Variants in ASCC3 observed in about 807,000 individuals in gnomAD.
The protein encoded by ASCC3 is ASC-1 complex subunit P200.
ASCC3 carries 158 observed loss-of-function variants against 256.3 expected under a neutral mutation model. The ratio of observed to expected loss-of-function variants is 0.62; its 90% CI spans 0.54 to 0.70. The LOEUF is 0.70. Ranked by LOEUF, ASCC3 falls within the 30% of genes least tolerant of loss-of-function variation. The pLI is 0.00. For missense variants in ASCC3, 2,259 were observed against 2,626.0 expected (o/e 0.86, Z 3.05); for synonymous variants, 948 against 883.4 (o/e 1.07, Z -1.30).
chr6:100,576,358 T>C (rs763370799), intron 36 of ASCC3, among the ~76,000 whole-genome samples: 1 of 152,116 alleles, frequency 6.6e-6, no homozygotes, highest in Non-Finnish European at 1.5e-5. Flanking sequence ...CTTATAATTC[T>C]AGTTACAAGG....
chr6:100,764,066 A>G (rs1781535162), intron 10 of ASCC3, among the ~76,000 whole-genome samples: 1 of 152,212 alleles, frequency 6.6e-6, no homozygotes, highest in Non-Finnish European at 1.5e-5. Context: ...CATAGTGACT[A>G]ACTCATAAAT....
At chr6:100,518,636 C>T (rs984436519) in intron 37 of ASCC3, among the ~76,000 whole-genome samples, 1 of 152,104 alleles carries the variant, frequency 6.6e-6, no homozygotes, top group East Asian at 1.9e-4. Flanking sequence ...GACAATAATA[C>T]ACCACACCAC....
At position 100,712,513 on chromosome 6, in the gene ASCC3, C is replaced by T. The variant is rs186863179; in HGVS notation, c.2151+2949G>A. On this transcript the variant is annotated intron_variant, in intron 13 of 41. Transcript: ENST00000369162. ...GGCAAATGTCAAGCATATGAAAAGA[C>T]GCTTAATATCACTTGTCATTAGAAA... Among the ~76,000 whole-genome samples, 158 of 152,154 alleles carry T rather than the reference C, an allele frequency of 1.0e-3. 1 individual carries two copies. The highest frequency in any genetic ancestry group is 3.5e-3 in the African/African-American group (145 of 41,516).
At chr6:100,718,013 A>C in intron 12 of ASCC3, 62 bp downstream of exon 12, 1 of 1,529,558 alleles carries the variant, frequency 6.5e-7, no homozygotes, top group Non-Finnish European at 9.0e-7. Flanking sequence ...CTAACTCCAA[A>C]CAAGTATTCA....
intron 33 of ASCC3, among the ~76,000 whole-genome samples, chr6:100,605,351 G>A (rs879744231): frequency 2.3e-4 from 35 of 152,050 alleles, no homozygotes; most frequent in Non-Finnish European, 3.7e-4. Flanking sequence ...TAGTCAATGC[G>A]TCTGAACACT....
rs535936476 is a variant in ASCC3 at position 100,750,067 on chromosome 6, T to C, written c.1737+16498A>G. The stretch of plus-strand genomic sequence containing the variant: ...CAGTGTTTGTGAGACAAGAGCCTTT[T>C]TGACAAAAACTGCCTGGAAAATTGA... On this transcript the variant is annotated intron_variant, in intron 10 of 41. Coordinates refer to ENST00000369162, the MANE Select transcript of ASCC3 (RefSeq NM_006828.4). Among the ~76,000 whole-genome samples, 8 of 151,980 alleles carry C rather than the reference T, an allele frequency of 5.3e-5. No individual in the cohort carries two copies. In the East Asian group the frequency reaches 1.5e-3, roughly 29 times the overall value.
Position 100,679,699 on chromosome 6 carries a change from T to TA in ASCC3, c.2204dup (p.Ile736AsnfsTer20). ...GGCCACAATTTTTTGCTCTTTCTAT[T>TA]AGAGACATAGCTGTTCTTACAGTGG... On this transcript the variant is annotated frameshift_variant, in exon 14 of 42. Coordinates refer to ENST00000369162, the MANE Select transcript of ASCC3 (RefSeq NM_006828.4). LOFTEE classifies it high-confidence loss of function. 6.2e-7 allele frequency: 1 copy of TA among 1,613,676 alleles called. No homozygotes were observed. The highest frequency in any genetic ancestry group is 8.5e-7 in the Non-Finnish European group (1 of 1,179,742).
chr6:100,616,019 G>A (rs1773649497), intron 30 of ASCC3, among the ~76,000 whole-genome samples: 1 of 152,128 alleles, frequency 6.6e-6, no homozygotes, highest in Non-Finnish European at 1.5e-5. Context: ...TTGTTATCCT[G>A]CATTAAATTC....
rs923373776 is a variant in ASCC3 at position 100,632,267 on chromosome 6, G to C, written c.4123-1054C>G. On this transcript the variant is annotated intron_variant, in intron 25 of 41. Coordinates refer to ENST00000369162, the MANE Select transcript of ASCC3 (RefSeq NM_006828.4). Reference sequence around the variant, plus strand: ...GTACTTAGGAATAAAGTTAACTAAAGAGGTAAAAAATCTGTACAATGAAAA... The same window carrying C: ...GTACTTAGGAATAAAGTTAACTAAACAGGTAAAAAATCTGTACAATGAAAA... Among the ~76,000 whole-genome samples the C allele has an allele frequency of 6.2e-4, 90 of 146,150 alleles. 1 individual carries two copies. The highest frequency in any genetic ancestry group is 3.4e-4 in the Admixed American group (5 of 14,700).
At chr6:100,662,276 G>T in intron 15 of ASCC3, 69 bp downstream of exon 15, 7 of 1,476,618 alleles carry the variant, frequency 4.7e-6, no homozygotes, top group Non-Finnish European at 6.4e-6. Context: ...ATTTTTCTAT[G>T]TAAGTCAACC....
intron 10 of ASCC3, among the ~76,000 whole-genome samples, chr6:100,737,668 T>C (rs1255776420): frequency 6.6e-6 from 1 of 152,212 alleles, no homozygotes; most frequent in Non-Finnish European, 1.5e-5. Context: ...TTTGCTATTG[T>C]GAACAGTGAT....
At chr6:100,609,311 A>C (rs1773270669) in intron 30 of ASCC3, among the ~76,000 whole-genome samples, 2 of 151,940 alleles carry the variant, frequency 1.3e-5, no homozygotes, top group Non-Finnish European at 2.9e-5. Context: ...AGTTTTCCTA[A>C]ATAATTAACC....
At chr6:100,798,917 C>G (rs1466315808) in intron 7 of ASCC3, 79 bp from the exon 8 acceptor site, 1 of 1,250,276 alleles carries the variant, frequency 8.0e-7, no homozygotes, top group Non-Finnish European at 1.1e-6. Flanking sequence ...TAGAGAGAGA[C>G]AGAAAACACT....
chr6:100,826,995 G>A (rs536025629), intron 4 of ASCC3, among the ~76,000 whole-genome samples: 2 of 152,280 alleles, frequency 1.3e-5, no homozygotes, highest in East Asian at 3.9e-4. Flanking sequence ...ACAGCCATAT[G>A]TGGCTACTGT....
chr6:100,747,748 AATT>A (rs1330834664), intron 10 of ASCC3, among the ~76,000 whole-genome samples: 2 of 152,096 alleles, frequency 1.3e-5, no homozygotes, highest in African/African-American at 2.4e-5. Context: ...GAGAGGGATG[AATT>A]ATTTTGATTG....
At chr6:100,588,550 T>C (rs1251868496) in intron 36 of ASCC3, among the ~76,000 whole-genome samples, 1 of 152,188 alleles carries the variant, frequency 6.6e-6, no homozygotes, top group East Asian at 1.9e-4. Flanking sequence ...AAAATATTTT[T>C]TGGTAGCTGC....
chr6:100,547,516 C>T (rs1166129739), intron 36 of ASCC3, among the ~76,000 whole-genome samples: 2 of 151,894 alleles, frequency 1.3e-5, no homozygotes, highest in African/African-American at 4.8e-5. Context: ...AATGAGAAAA[C>T]AAACAGCCCA....
At chr6:100,733,862 T>C (rs1780021322) in intron 10 of ASCC3, among the ~76,000 whole-genome samples, 1 of 152,164 alleles carries the variant, frequency 6.6e-6, no homozygotes, top group African/African-American at 2.4e-5. Context: ...TCCACTAGCT[T>C]GTTCTTCTCC....
intron 25 of ASCC3, among the ~76,000 whole-genome samples, 180 bp downstream of exon 25, chr6:100,638,421 A>G (rs1282995163): frequency 6.6e-6 from 1 of 152,164 alleles, no homozygotes; most frequent in Non-Finnish European, 1.5e-5. Context: ...ATATTGTGGT[A>G]GTATATAACC....
Sources: gnomAD v4.1 joint callset for allele counts (sites outside exome capture counted in the v4.1 genomes callset) on GRCh38, gnomAD v4.1.1 for gene constraint, MANE v1.5 for transcripts, NCBI Gene and HGNC (gene_info 2026-07-23, HGNC 2026-07-21) for gene names.